The following FBXL17 variants were observed in gnomAD, a reference collection of about 807,000 sequenced individuals.
FBXL17 encodes F-box/LRR-repeat protein 17.
A neutral mutation model predicts 66.2 loss-of-function variants in FBXL17; 22 were observed. The ratio of observed to expected loss-of-function variants is 0.33; its 90% CI spans 0.24 to 0.47. FBXL17 has a LOEUF of 0.47. Ranked by LOEUF, FBXL17 falls within the 20% of genes least tolerant of loss-of-function variation. FBXL17 has a pLI of 1.00. For missense variants in FBXL17, 878 were observed against 948.2 expected (o/e 0.93, Z 0.97); for synonymous variants, 474 against 400.5 (o/e 1.18, Z -2.19).
chr5:107,885,637 T>C (rs1748940886), intron 7 of FBXL17, among the ~76,000 whole-genome samples: 1 of 152,156 alleles, frequency 6.6e-6, no homozygotes, highest in Admixed American at 6.6e-5. Context: ...TTTCAAATCA[T>C]TAAGTAAAAC....
chr5:108,222,925 C>T (rs1284078956), intron 5 of FBXL17, among the ~76,000 whole-genome samples: 7 of 152,028 alleles, frequency 4.6e-5, no homozygotes, highest in South Asian at 2.1e-4. Flanking sequence ...TCACCTGCCT[C>T]GGCCTCCCAA....
At chr5:108,052,184 A>T (rs1747512151) in intron 6 of FBXL17, among the ~76,000 whole-genome samples, 1 of 151,664 alleles carries the variant, frequency 6.6e-6, no homozygotes, top group Non-Finnish European at 1.5e-5. Flanking sequence ...CCTATTCAAC[A>T]TAGTATTGGA....
intron 6 of FBXL17, among the ~76,000 whole-genome samples, chr5:108,079,216 AG>A (rs1209558227): frequency 6.6e-6 from 1 of 150,974 alleles, no homozygotes; most frequent in East Asian, 1.9e-4. Flanking sequence ...CAACCTTCAG[AG>A]GAAAAAGAAG....
At position 108,028,551 on chromosome 5, in the gene FBXL17, G is replaced by A. The variant is rs1754913398; in HGVS notation, c.1746-7550C>T. Among the ~76,000 whole-genome samples, 5 of 152,248 alleles carry A rather than the reference G, an allele frequency of 3.3e-5. No homozygotes were observed. In the South Asian group the frequency reaches 8.3e-4, roughly 25 times the overall value. On this transcript the variant is annotated intron_variant, in intron 6 of 8. Coordinates refer to ENST00000542267, the MANE Select transcript of FBXL17 (RefSeq NM_001163315.3). ...TTAAGCACTTCCTCACCAGAAGACA[G>A]CCACAACTCTGCTTTGCAGTGACTA...
chr5:108,250,167 T>C (rs1022309356), intron 4 of FBXL17, among the ~76,000 whole-genome samples: 3 of 152,142 alleles, frequency 2.0e-5, no homozygotes, highest in African/African-American at 7.2e-5. Flanking sequence ...AAAGAATGCA[T>C]AATTTTGATG....
chr5:108,097,454 TG>T (rs914259893), intron 6 of FBXL17, among the ~76,000 whole-genome samples: 10 of 152,306 alleles, frequency 6.6e-5, no homozygotes, highest in African/African-American at 2.2e-4. Flanking sequence ...AATTCATTTT[TG>T]CATGACTGAC....
intron 7 of FBXL17, among the ~76,000 whole-genome samples, chr5:107,891,514 T>C (rs1580688050): frequency 6.6e-6 from 1 of 152,238 alleles, no homozygotes; most frequent in Admixed American, 6.5e-5. Flanking sequence ...GAAGTGATAA[T>C]GGATTGGCCT....
At chr5:108,150,404 A>G (rs1751723988) in intron 6 of FBXL17, among the ~76,000 whole-genome samples, 1 of 152,104 alleles carries the variant, frequency 6.6e-6, no homozygotes, top group African/African-American at 2.4e-5. Context: ...GGGTCTCCCT[A>G]CGGTGCCCAG....
chr5:108,242,140 T>G (rs1755880479), intron 4 of FBXL17, among the ~76,000 whole-genome samples: 1 of 152,208 alleles, frequency 6.6e-6, no homozygotes, highest in Non-Finnish European at 1.5e-5. Context: ...ATACTGTAAT[T>G]GTGGTGTGTA....
chr5:108,244,216 G>T (rs761953705), intron 4 of FBXL17, among the ~76,000 whole-genome samples: 5 of 151,748 alleles, frequency 3.3e-5, no homozygotes, highest in Non-Finnish European at 5.9e-5. Context: ...GAATCCTTTT[G>T]CCCATTCTCA....
intron 7 of FBXL17, among the ~76,000 whole-genome samples, chr5:107,924,067 T>G (rs1485251643): frequency 1.3e-5 from 2 of 150,178 alleles, no homozygotes; most frequent in South Asian, 2.1e-4. Context: ...AGTGTTTTTT[T>G]TTTTTTTTTT....
At chr5:108,149,750 C>G (rs1029181411) in intron 6 of FBXL17, among the ~76,000 whole-genome samples, 2 of 152,194 alleles carry the variant, frequency 1.3e-5, no homozygotes, top group Admixed American at 1.3e-4. Context: ...ATAGCCCTAA[C>G]TTTAAGATAG....
intron 3 of FBXL17, among the ~76,000 whole-genome samples, chr5:108,353,459 T>G (rs1045284162): frequency 6.6e-6 from 1 of 152,214 alleles, no homozygotes; most frequent in African/African-American, 2.4e-5. Flanking sequence ...GTGAGTTTTA[T>G]CTACAGGAGC....
chr5:108,184,543 G>A lies in FBXL17; in HGVS notation c.1745+1574C>T, dbSNP rs180705712. Among the ~76,000 whole-genome samples, 549 of 151,714 alleles carry A rather than the reference G, an allele frequency of 3.6e-3. 1 individual carries two copies. Among genetic ancestry groups the A allele is most frequent in the African/African-American group, 0.013 (520 of 41,414 alleles). On this transcript the variant is annotated intron_variant, in intron 6 of 8. Coordinates refer to ENST00000542267, the MANE Select transcript of FBXL17 (RefSeq NM_001163315.3). ...AGGATGGTCTGGATCTCCTGACCTCGTGATCCGCCCGCCTTGGCCTCCCAA... is the reference window on the plus strand; with the variant it reads ...AGGATGGTCTGGATCTCCTGACCTCATGATCCGCCCGCCTTGGCCTCCCAA...
At chr5:107,879,099 T>G in intron 8 of FBXL17, 2 of 985,474 alleles carry the variant, frequency 2.0e-6, no homozygotes, top group Non-Finnish European at 2.4e-6. Flanking sequence ...TCAGCAAATA[T>G]GTCTGGAATA....
At chr5:108,078,474 A>C (rs556352258) in intron 6 of FBXL17, among the ~76,000 whole-genome samples, 29 of 152,268 alleles carry the variant, frequency 1.9e-4, no homozygotes, top group Non-Finnish European at 2.2e-4. Flanking sequence ...AAGCCAGCAA[A>C]CAGAAGTGGC....
chr5:108,121,368 T>C (rs1750490677), intron 6 of FBXL17, among the ~76,000 whole-genome samples: 1 of 151,720 alleles, frequency 6.6e-6, no homozygotes, highest in Non-Finnish European at 1.5e-5. Context: ...TTTTTGGCAA[T>C]GGAATACATA....
rs1197081901 is a variant in FBXL17 at position 108,299,251 on chromosome 5, T to TA, written c.1506+49147dup. 3.0e-6 allele frequency: 3 copies of TA among 985,098 alleles called. No individual in the cohort carries two copies. In the African/African-American group the frequency reaches 5.2e-5, roughly 17 times the overall value. The allele number at this position is 985,098 out of a possible 1,614,324, so 61.0% of individuals were successfully genotyped here. A position where few individuals can be genotyped will look rare whatever the true frequency, so the allele number is the denominator to read the frequency against. ...ATAAATTCCCAATCTGCACCTAGTT[T>TA]AAAGCGTTAGGGCAGATCCCTCTCT... On this transcript the variant is annotated intron_variant, in intron 4 of 8. Coordinates refer to ENST00000542267, the MANE Select transcript of FBXL17 (RefSeq NM_001163315.3).
intron 7 of FBXL17, among the ~76,000 whole-genome samples, chr5:107,980,662 A>ATTTTTTTTTTTTTTTTTT (rs1428679219): frequency 3.0e-5 from 2 of 65,840 alleles, no homozygotes; most frequent in African/African-American, 2.1e-4. Context: ...ATATATATAT[A>ATTTTTTTTTTTTTTTTTT]TATTTTTTTT....
Sources: allele counts gnomAD v4.1 joint callset (sites outside exome capture counted in the v4.1 genomes callset), GRCh38; gene constraint gnomAD v4.1.1; transcripts MANE v1.5; gene names NCBI Gene and HGNC (gene_info 2026-07-23, HGNC 2026-07-21).